Variants in RTF2 observed in about 807,000 individuals in gnomAD.
RTF2 encodes UPF0549 protein C20orf43.
Under a neutral mutation model 38.0 loss-of-function variants are expected in RTF2, and 18 were observed. That is an observed-to-expected ratio of 0.47 (90% CI 0.33 to 0.70). RTF2 has a LOEUF of 0.70. Ranked by LOEUF, RTF2 falls within the 30% of genes least tolerant of loss-of-function variation. The probability of loss-of-function intolerance (pLI) is 0.02; values close to 1 mark genes in which losing one functional copy is unlikely to be tolerated. For synonymous variants in RTF2, 126 were observed against 137.1 expected (o/e 0.92, Z 0.57); for missense variants, 311 against 379.6 (o/e 0.82, Z 1.50).
At chr20:56,517,951 T>C in intron 8 of RTF2, 136 bp from the exon 9 acceptor site, 1 of 784,172 alleles carries the variant, frequency 1.3e-6, no homozygotes, top group East Asian at 2.5e-5. Flanking sequence ...GCAATTAAGA[T>C]GACGTCCGCC....
At chr20:56,513,227 A>G (rs1227915747) in intron 5 of RTF2, 88 bp from the exon 6 acceptor site, 4 of 1,508,320 alleles carry the variant, frequency 2.7e-6, no homozygotes, top group Middle Eastern at 2.4e-4. Context: ...CCTGGGGGCC[A>G]CTGCTTGGGG....
intron 5 of RTF2, among the ~76,000 whole-genome samples, chr20:56,484,872 C>T (rs997637901): frequency 3.2e-5 from 4 of 125,686 alleles, no homozygotes; most frequent in South Asian, 2.8e-4. Context: ...TCATGGATGC[C>T]GGCAGCTTCT....
intron 5 of RTF2, 49 bp from the exon 6 acceptor site, chr20:56,513,266 C>T (rs1409180142): frequency 6.4e-6 from 10 of 1,554,026 alleles, no homozygotes; most frequent in Non-Finnish European, 8.7e-6. Context: ...AGCGTGGCCT[C>T]CCCATTGACT....
At chr20:56,514,651 G>A (rs189807181) in intron 6 of RTF2, among the ~76,000 whole-genome samples, 2 of 152,272 alleles carry the variant, frequency 1.3e-5, no homozygotes, top group South Asian at 2.1e-4. Flanking sequence ...TTAAAAAGCC[G>A]AGGCTTGAGC....
At chr20:56,471,535 TC>T (rs1981965786) in intron 1 of RTF2, 1 of 152,268 alleles carries the variant, frequency 6.6e-6, no homozygotes, top group Non-Finnish European at 1.5e-5. Context: ...GCCACTGCAC[TC>T]CAGCCTGGGC....
chr20:56,490,130 G>C (rs1183026358), intron 5 of RTF2, among the ~76,000 whole-genome samples: 1 of 152,146 alleles, frequency 6.6e-6, no homozygotes, highest in African/African-American at 2.4e-5. Context: ...TTTTCCTTCT[G>C]TCTAGCAATG....
intron 4 of RTF2, among the ~76,000 whole-genome samples, chr20:56,478,376 A>C (rs748916705): frequency 7.2e-5 from 11 of 151,856 alleles, no homozygotes; most frequent in Non-Finnish European, 1.3e-4. Context: ...GTACCTATAG[A>C]CCTCGCTACT....
chr20:56,493,098 C>G (rs1041821980), intron 5 of RTF2, among the ~76,000 whole-genome samples: 4 of 152,076 alleles, frequency 2.6e-5, no homozygotes, highest in Non-Finnish European at 4.4e-5. Context: ...ATCGCTTGAA[C>G]CAGGGAGTCA....
intron 5 of RTF2, among the ~76,000 whole-genome samples, chr20:56,495,743 TCATCGTACAC>T (rs1249159288): frequency 1.3e-5 from 2 of 152,202 alleles, no homozygotes; most frequent in Non-Finnish European, 2.9e-5. Context: ...TCTACTGGAC[TCATCGTACAC>T]CACTGTCTAG....
At chr20:56,479,818 C>T (rs1036678690) in intron 4 of RTF2, among the ~76,000 whole-genome samples, 5 of 142,388 alleles carry the variant, frequency 3.5e-5, no homozygotes, top group Non-Finnish European at 4.6e-5. Flanking sequence ...TGAAAGGAAT[C>T]TTTTTTTTTT....
intron 5 of RTF2, among the ~76,000 whole-genome samples, chr20:56,511,542 ATTC>A (rs1043216292): frequency 1.6e-4 from 25 of 152,260 alleles, no homozygotes; most frequent in African/African-American, 4.8e-4. Context: ...CCTATAAATT[ATTC>A]TTCTTTCCTT....
At chr20:56,483,409 G>GC (rs1365246059) in intron 4 of RTF2, among the ~76,000 whole-genome samples, 1 of 151,566 alleles carries the variant, frequency 6.6e-6, no homozygotes. Context: ...GTGCAGTGGC[G>GC]CTATCATAGC....
At chr20:56,500,420 C>G (rs1381638841) in intron 5 of RTF2, among the ~76,000 whole-genome samples, 1 of 152,184 alleles carries the variant, frequency 6.6e-6, no homozygotes, top group Non-Finnish European at 1.5e-5. Context: ...TGAGTTAGCC[C>G]CTCATCACTG....
At chr20:56,506,441 C>T (rs1340572889) in intron 5 of RTF2, among the ~76,000 whole-genome samples, 3 of 151,878 alleles carry the variant, frequency 2.0e-5, no homozygotes, top group Non-Finnish European at 4.4e-5. Context: ...ATTGTAAGCA[C>T]AAAGATTGGG....
At chr20:56,478,392 G>A (rs559374367) in intron 4 of RTF2, among the ~76,000 whole-genome samples, 96 of 152,210 alleles carry the variant, frequency 6.3e-4, no homozygotes, top group African/African-American at 2.2e-3. Flanking sequence ...CTACTTGGGA[G>A]GCTGAGGCAG....
intron 5 of RTF2, among the ~76,000 whole-genome samples, chr20:56,490,697 A>G (rs558974347): frequency 1.8e-4 from 28 of 152,318 alleles, no homozygotes; most frequent in Admixed American, 1.4e-3. Flanking sequence ...CATGCCTGTA[A>G]TTCCAGCTAG....
chr20:56,482,170 G>A (rs1982558580), intron 4 of RTF2, among the ~76,000 whole-genome samples: 1 of 152,172 alleles, frequency 6.6e-6, no homozygotes, highest in Admixed American at 6.5e-5. Context: ...ATTAGTTTGT[G>A]TATGGTCATC....
intron 5 of RTF2, among the ~76,000 whole-genome samples, chr20:56,489,099 A>G (rs996133188): frequency 6.6e-6 from 1 of 152,010 alleles, no homozygotes; most frequent in Admixed American, 6.6e-5. Flanking sequence ...TCTGTTGCCC[A>G]GGCTGGGGTG....
chr20:56,474,656 A>G (rs764950605), intron 2 of RTF2, 22 bp from the exon 3 acceptor site: 1 of 1,506,506 alleles, frequency 6.6e-7, no homozygotes, highest in South Asian at 1.2e-5. Context: ...TTGACATAAT[A>G]TTCTAATACT....
Sources: gnomAD v4.1 joint callset for allele counts (sites outside exome capture counted in the v4.1 genomes callset) on GRCh38, gnomAD v4.1.1 for gene constraint, MANE v1.5 for transcripts, NCBI Gene and HGNC (gene_info 2026-07-23, HGNC 2026-07-21) for gene names.